ACOXL: variants seen among roughly 807,000 people sequenced by gnomAD.
ACOXL encodes acyl-coenzyme A oxidase-like protein.
ACOXL carries 70 observed loss-of-function variants against 71.9 expected under a neutral mutation model. The observed-to-expected ratio is 0.97, with a 90% CI of 0.80 to 1.19. ACOXL has a LOEUF of 1.19. Ranked by LOEUF, ACOXL falls within the 50% of genes most tolerant of loss-of-function variation. The pLI is 0.00. For synonymous variants in ACOXL, 253 were observed against 281.6 expected, an observed-to-expected ratio of 0.90 and a Z score of 1.02; for missense variants, 703 against 736.3, an observed-to-expected ratio of 0.95 and a Z score of 0.52.
At chr2:110,978,726 C>G (rs142798964) in intron 12 of ACOXL, among the ~76,000 whole-genome samples, 8 of 152,044 alleles carry the variant, frequency 5.3e-5, no homozygotes, top group Non-Finnish European at 8.8e-5. Context: ...CATTATAATT[C>G]GAAACAAATC....
chr2:110,956,333 T>C (rs1008481203), intron 12 of ACOXL, among the ~76,000 whole-genome samples: 27 of 152,192 alleles, frequency 1.8e-4, no homozygotes, highest in African/African-American at 6.5e-4. Context: ...GGAGCCTTGG[T>C]ATGCATTTGG....
chr2:110,947,607 C>T (rs1483842788), intron 12 of ACOXL, among the ~76,000 whole-genome samples: 1 of 152,216 alleles, frequency 6.6e-6, no homozygotes, highest in Non-Finnish European at 1.5e-5. Context: ...GAACTCTTTC[C>T]CCTTCCCTTC....
intron 10 of ACOXL, among the ~76,000 whole-genome samples, chr2:110,855,288 T>C (rs1399273140): frequency 6.6e-6 from 1 of 152,238 alleles, no homozygotes; most frequent in Admixed American, 6.5e-5. Flanking sequence ...GCTTAAACGC[T>C]TCCTCATTTA....
At chr2:111,051,779 T>A (rs1031213118) in intron 16 of ACOXL, among the ~76,000 whole-genome samples, 37 of 152,242 alleles carry the variant, frequency 2.4e-4, no homozygotes, top group Non-Finnish European at 4.3e-4. Flanking sequence ...TGATATTTTT[T>A]AAAATTATAT....
At chr2:111,058,715 G>C (rs939341120) in intron 16 of ACOXL, among the ~76,000 whole-genome samples, 1 of 152,136 alleles carries the variant, frequency 6.6e-6, no homozygotes, top group African/African-American at 2.4e-5. Flanking sequence ...AAAAATACTG[G>C]TTTGATCTGC....
intron 10 of ACOXL, among the ~76,000 whole-genome samples, chr2:110,869,765 C>G (rs545973716): frequency 1.3e-5 from 2 of 152,254 alleles, no homozygotes; most frequent in Non-Finnish European, 2.9e-5. Flanking sequence ...CCTCAGCCAC[C>G]TTGGAGAGCT....
chr2:111,108,965 G>C (rs1214000560), intron 17 of ACOXL, among the ~76,000 whole-genome samples: 4 of 152,050 alleles, frequency 2.6e-5, no homozygotes, highest in African/African-American at 9.7e-5. Flanking sequence ...AAATTAATTT[G>C]TTTATTTTTG....
rs1158762922 is a variant in ACOXL, at chr2:111,117,607, G to A, written c.1543-9G>A. ...CATCTGACCTGTCCCATTGTGTTGTGTTTTGCAGTTGCTGGATTTGTGCGA... is the reference window on the plus strand; with the variant it reads ...CATCTGACCTGTCCCATTGTGTTGTATTTTGCAGTTGCTGGATTTGTGCGA... On this transcript the variant is annotated splice_polypyrimidine_tract_variant and intron_variant, in intron 17 of 17. Coordinates refer to ENST00000439055, the MANE Select transcript of ACOXL (RefSeq NM_001142807.4). The A allele has an allele frequency of 6.4e-7, 1 of 1,551,640 alleles. No individual in the cohort carries two copies. The highest frequency in any genetic ancestry group is 8.7e-7 in the Non-Finnish European group (1 of 1,147,000).
chr2:111,103,269 T>A (rs1046523114), intron 17 of ACOXL, among the ~76,000 whole-genome samples: 1 of 152,142 alleles, frequency 6.6e-6, no homozygotes, highest in Non-Finnish European at 1.5e-5. Context: ...CACTCCAGCC[T>A]GGGAGACAGA....
At chr2:111,056,280 G>A (rs879411515) in intron 16 of ACOXL, among the ~76,000 whole-genome samples, 2 of 151,874 alleles carry the variant, frequency 1.3e-5, no homozygotes, top group African/African-American at 4.8e-5. Context: ...GCAACAAATG[G>A]TTTTCTCTCA....
intron 16 of ACOXL, among the ~76,000 whole-genome samples, chr2:111,080,545 A>G (rs897407560): frequency 1.3e-5 from 2 of 152,202 alleles, no homozygotes; most frequent in African/African-American, 4.8e-5. Context: ...TATCAACCAA[A>G]AAAAGCCCAG....
chr2:110,798,966 A>G, intron 6 of ACOXL, 48 bp from the exon 7 acceptor site: 1 of 1,567,564 alleles, frequency 6.4e-7, no homozygotes, highest in East Asian at 2.2e-5. Flanking sequence ...GGACATGAGT[A>G]AAGCTATAGG....
At chr2:110,996,142 G>A in intron 14 of ACOXL, 138 bp downstream of exon 14, 1 of 678,172 alleles carries the variant, frequency 1.5e-6, no homozygotes, top group Non-Finnish European at 2.6e-6. Context: ...GTTCCTACGG[G>A]CCATTTTGCA....
chr2:110,977,133 TC>T (rs1337070731), intron 12 of ACOXL, among the ~76,000 whole-genome samples: 2 of 152,144 alleles, frequency 1.3e-5, no homozygotes, highest in African/African-American at 2.4e-5. Context: ...ACTCCTGTAA[TC>T]CCAGCACTTT....
chr2:110,871,761 C>T (rs888695149), intron 10 of ACOXL, among the ~76,000 whole-genome samples: 6 of 152,164 alleles, frequency 3.9e-5, no homozygotes, highest in South Asian at 2.1e-4. Context: ...CACGCTGAGA[C>T]GTCTCCCCTG....
intron 12 of ACOXL, among the ~76,000 whole-genome samples, chr2:110,953,361 A>G (rs1021592362): frequency 6.6e-6 from 1 of 151,656 alleles, no homozygotes; most frequent in African/African-American, 2.4e-5. Context: ...AATTAATTCC[A>G]TCGTAGAGAA....
rs543706205 is a variant in ACOXL, at chr2:110,935,981, G to A, written c.1059+2339G>A. Among the ~76,000 whole-genome samples, 234 of 152,152 alleles carry A rather than the reference G, an allele frequency of 1.5e-3. 1 individual carries two copies. The highest frequency in any genetic ancestry group is 5.3e-3 in the African/African-American group (221 of 41,482). ...ATGTGCAGTTCACAATAGAGTTCACGCTCCTATGAGCATCTAATGGTGCTG... is the reference window on the plus strand; with the variant it reads ...ATGTGCAGTTCACAATAGAGTTCACACTCCTATGAGCATCTAATGGTGCTG... On this transcript the variant is annotated intron_variant, in intron 12 of 17. Coordinates refer to ENST00000439055, the MANE Select transcript of ACOXL (RefSeq NM_001142807.4).
chr2:110,851,836 TGGG>T (rs1692636090), intron 10 of ACOXL, among the ~76,000 whole-genome samples: 1 of 152,042 alleles, frequency 6.6e-6, no homozygotes, highest in South Asian at 2.1e-4. Context: ...ATCCGGGAAA[TGGG>T]GGGCAGCTGT....
At chr2:111,002,499 C>T (rs1409026118) in intron 14 of ACOXL, among the ~76,000 whole-genome samples, 2 of 152,108 alleles carry the variant, frequency 1.3e-5, no homozygotes, top group South Asian at 4.1e-4. Context: ...GGTTCTGATG[C>T]TTCTGTGTTT....
Sources: allele counts gnomAD v4.1 joint callset (sites outside exome capture counted in the v4.1 genomes callset), GRCh38; gene constraint gnomAD v4.1.1; transcripts MANE v1.5; gene names NCBI Gene and HGNC (gene_info 2026-07-23, HGNC 2026-07-21).